The following ADAMTS12 variants were observed in gnomAD, a reference collection of about 807,000 sequenced individuals.
ADAMTS12 encodes ADAM metallopeptidase with thrombospondin type 1 motif 12.
In ADAMTS12, 118 loss-of-function variants were observed where a neutral mutation model predicts 167.8. The observed-to-expected ratio is 0.70, with a 90% confidence interval of 0.61 to 0.82. The LOEUF (loss-of-function observed/expected upper bound fraction) is 0.82. Ranked by LOEUF, ADAMTS12 falls within the 40% of genes least tolerant of loss-of-function variation. The pLI is 0.00. For missense variants in ADAMTS12, 1,916 were observed against 1,998.8 expected (o/e 0.96, Z 0.79); for synonymous variants, 704 against 716.9 (o/e 0.98, Z 0.29).
At chr5:33,872,444 G>A (rs545517175) in intron 2 of ADAMTS12, among the ~76,000 whole-genome samples, 101 of 152,114 alleles carry the variant, frequency 6.6e-4, no homozygotes, top group African/African-American at 2.4e-3. Context: ...CTACTGGGGA[G>A]GCTGAGGTAG....
intron 23 of ADAMTS12, 129 bp downstream of exon 23, chr5:33,534,704 C>T (rs1340363442): frequency 8.0e-7 from 1 of 1,250,012 alleles, no homozygotes; most frequent in East Asian, 2.5e-5. Context: ...CCCAGGGTTA[C>T]TGGTTGACCT....
At chr5:33,559,706 C>T (rs1232247437) in intron 20 of ADAMTS12, among the ~76,000 whole-genome samples, 4 of 152,108 alleles carry the variant, frequency 2.6e-5, no homozygotes, top group African/African-American at 9.7e-5. Context: ...CATGGTGAAA[C>T]CCCATCTCTA....
chr5:33,720,991 T>C (rs1743787087), intron 3 of ADAMTS12, among the ~76,000 whole-genome samples: 1 of 152,124 alleles, frequency 6.6e-6, no homozygotes. Flanking sequence ...CCAACAACAG[T>C]AGAATGAAGA....
At chr5:33,636,132 A>G (rs1740181991) in intron 12 of ADAMTS12, among the ~76,000 whole-genome samples, 1 of 152,158 alleles carries the variant, frequency 6.6e-6, no homozygotes, top group Admixed American at 6.5e-5. Flanking sequence ...TTTTTATTCT[A>G]AGTCCAGCTA....
chr5:33,867,871 T>A (rs1749883663), intron 2 of ADAMTS12, among the ~76,000 whole-genome samples: 2 of 152,180 alleles, frequency 1.3e-5, no homozygotes, highest in Non-Finnish European at 2.9e-5. Flanking sequence ...GGAACTGTAA[T>A]CCCCAGTGTT....
At chr5:33,830,709 T>C (rs1748265498) in intron 2 of ADAMTS12, among the ~76,000 whole-genome samples, 1 of 152,100 alleles carries the variant, frequency 6.6e-6, no homozygotes, top group Non-Finnish European at 1.5e-5. Flanking sequence ...GGAGTGCTGT[T>C]TGAGCCCAGG....
At chr5:33,651,054 A>G (rs182686042) in intron 7 of ADAMTS12, among the ~76,000 whole-genome samples, 1 of 152,332 alleles carries the variant, frequency 6.6e-6, no homozygotes, top group East Asian at 1.9e-4. Flanking sequence ...CACATTCCAC[A>G]TGAATATAAA....
chr5:33,647,269 G>A (rs2112186274), intron 9 of ADAMTS12, among the ~76,000 whole-genome samples: 1 of 152,234 alleles, frequency 6.6e-6, no homozygotes, highest in South Asian at 2.1e-4. Context: ...AAGGCCATGA[G>A]ATATTCTACT....
intron 2 of ADAMTS12, among the ~76,000 whole-genome samples, chr5:33,850,297 A>G (rs1749173629): frequency 6.6e-6 from 1 of 152,144 alleles, no homozygotes; most frequent in Admixed American, 6.5e-5. Flanking sequence ...AGAAAGTTTC[A>G]CTAAAAGAGA....
intron 2 of ADAMTS12, among the ~76,000 whole-genome samples, chr5:33,847,677 C>G (rs1749000670): frequency 6.6e-6 from 1 of 151,788 alleles, no homozygotes; most frequent in African/African-American, 2.4e-5. Context: ...TGGATCAAAC[C>G]CAGAATGATT....
chr5:33,750,382 C>G (rs1744932015), intron 3 of ADAMTS12, among the ~76,000 whole-genome samples: 1 of 152,222 alleles, frequency 6.6e-6, no homozygotes. Context: ...AAGTTGCTAT[C>G]TGGCATAGGG....
chr5:33,528,694 C>T (rs536545327), intron 23 of ADAMTS12, among the ~76,000 whole-genome samples: 1 of 152,356 alleles, frequency 6.6e-6, no homozygotes, highest in East Asian at 1.9e-4. Flanking sequence ...CTCTAGAGCT[C>T]ATGCTCTAAT....
intron 17 of ADAMTS12, among the ~76,000 whole-genome samples, chr5:33,594,440 A>G (rs901718495): frequency 7.9e-5 from 12 of 152,178 alleles, no homozygotes; most frequent in African/African-American, 2.9e-4. Context: ...TTATACCTGT[A>G]TGTATTATAT....
chr5:33,874,831 AG>A (rs1280084369), intron 2 of ADAMTS12, among the ~76,000 whole-genome samples: 1 of 152,140 alleles, frequency 6.6e-6, no homozygotes, highest in Non-Finnish European at 1.5e-5. Context: ...GCACTTTGGG[AG>A]GCTGAGGTGG....
intron 3 of ADAMTS12, among the ~76,000 whole-genome samples, chr5:33,730,290 GTGTGT>G (rs1417633098): frequency 0.044 from 492 of 11,296 alleles, 5 homozygotes; most frequent in African/African-American, 0.095. Context: ...GTCCATTAGG[GTGTGT>G]GTGTGTGTGT....
chr5:33,847,631 AAAAG>A (rs973344037), intron 2 of ADAMTS12, among the ~76,000 whole-genome samples: 2 of 152,098 alleles, frequency 1.3e-5, no homozygotes, highest in African/African-American at 4.8e-5. Context: ...CTCAAAAAAA[AAAAG>A]AAAGAAAGAA....
At chr5:33,757,238 A>G (rs1299472711) in intron 2 of ADAMTS12, among the ~76,000 whole-genome samples, 1 of 152,268 alleles carries the variant, frequency 6.6e-6, no homozygotes, top group African/African-American at 2.4e-5. Flanking sequence ...ATCAGGAGCC[A>G]GATTGGGAAC....
intron 3 of ADAMTS12, among the ~76,000 whole-genome samples, chr5:33,685,131 C>G (rs1262346162): frequency 3.9e-5 from 6 of 152,244 alleles, no homozygotes; most frequent in Admixed American, 3.9e-4. Context: ...CTTCCTGCCT[C>G]TCCCTCATCT....
chr5:33,604,265 A>G (rs1307382664), intron 16 of ADAMTS12, among the ~76,000 whole-genome samples: 1 of 152,104 alleles, frequency 6.6e-6, no homozygotes, highest in Non-Finnish European at 1.5e-5. Context: ...AAGGAGCAGG[A>G]ATGAAGTGGG....
Sources: gnomAD v4.1 joint callset for allele counts (sites outside exome capture counted in the v4.1 genomes callset) on GRCh38, gnomAD v4.1.1 for gene constraint, MANE v1.5 for transcripts, NCBI Gene and HGNC (gene_info 2026-07-23, HGNC 2026-07-21) for gene names.